Variants in SMARCAD1 observed in about 807,000 individuals in gnomAD.
SMARCAD1 encodes SNF2 related chromatin remodeling ATPase with DExD box 1, also known as SWI/SNF-related matrix-associated actin-dependent regulator of chromatin subfamily A containing DEAD/H box 1.
Under a neutral mutation model 127.1 loss-of-function variants are expected in SMARCAD1, and 25 were observed. That is an observed-to-expected ratio of 0.20 (90% CI 0.14 to 0.27). SMARCAD1 has a LOEUF of 0.27. Ranked by LOEUF, SMARCAD1 falls within the 10% of genes least tolerant of loss-of-function variation. SMARCAD1 has a pLI of 1.00. For synonymous variants in SMARCAD1, 400 were observed against 396.9 expected (o/e 1.01, Z -0.09); for missense variants, 807 against 1,206.0 (o/e 0.67, Z 4.90).
intron 6 of SMARCAD1, among the ~76,000 whole-genome samples, chr4:94,247,029 C>G (rs1243109242): frequency 1.3e-5 from 2 of 152,176 alleles, no homozygotes; most frequent in Non-Finnish European, 2.9e-5. Flanking sequence ...GACTCATCTA[C>G]TTTTTGTATA....
intron 14 of SMARCAD1, among the ~76,000 whole-genome samples, chr4:94,275,796 C>CTTTTATTTTATTTTTTTTTTT (rs1553920714): frequency 1.2e-5 from 1 of 85,412 alleles, no homozygotes; most frequent in Non-Finnish European, 2.6e-5. Context: ...TTAACATTTT[C>CTTTTATTTTATTTTTTTTTTT]TTTTTTTTTT....
chr4:94,262,045 A>C (rs936776022), intron 9 of SMARCAD1, among the ~76,000 whole-genome samples: 4 of 152,064 alleles, frequency 2.6e-5, no homozygotes, highest in Non-Finnish European at 5.9e-5. Flanking sequence ...GGTGTTCTTC[A>C]AGGTTTTGCT....
intron 9 of SMARCAD1, among the ~76,000 whole-genome samples, chr4:94,260,810 C>G (rs922275187): frequency 6.6e-6 from 1 of 152,164 alleles, no homozygotes; most frequent in Non-Finnish European, 1.5e-5. Context: ...CACCTTTTAA[C>G]CCTTTCTTGT....
At position 94,226,864 on chromosome 4, in the gene SMARCAD1, T is replaced by C. The variant is rs74980742; in HGVS notation, c.368+568T>C. 7.4e-4 allele frequency among the ~76,000 whole-genome samples: 104 copies of C among 141,194 alleles called. 2 individuals carry two copies. Among genetic ancestry groups the C allele is most frequent in the Admixed American group, 2.6e-3 (37 of 14,424 alleles). The allele number at this position is 141,194 out of a possible 152,430, so 92.6% of individuals were successfully genotyped here. ...GGAGTTAGGGTCAGGGAATCGTTTC[T>C]TTTTTTTTTTCTTGTTTTTTCTAGA... is the stretch of plus-strand genomic sequence containing the variant. On this transcript the variant is annotated intron_variant, in intron 3 of 23. Coordinates refer to ENST00000354268, the MANE Select transcript of SMARCAD1 (RefSeq NM_020159.5).
intron 21 of SMARCAD1, 121 bp downstream of exon 21, chr4:94,281,711 A>G: frequency 1.4e-6 from 1 of 717,822 alleles, no homozygotes; most frequent in Non-Finnish European, 2.4e-6. Flanking sequence ...ACTTCAAATC[A>G]TTACCTTAAA....
chr4:94,239,890 GGAA>G (rs780948257), intron 5 of SMARCAD1, among the ~76,000 whole-genome samples: 1 of 152,056 alleles, frequency 6.6e-6, no homozygotes, highest in Non-Finnish European at 1.5e-5. Context: ...GTTCTTTTTA[GGAA>G]AGAATTCAGC....
chr4:94,273,501 A>G (rs1214271872), intron 11 of SMARCAD1, 116 bp from the exon 12 acceptor site: 11 of 743,282 alleles, frequency 1.5e-5, no homozygotes, highest in Non-Finnish European at 2.5e-5. Flanking sequence ...TTAGAGTTGC[A>G]TTCTGGGAAA....
intron 14 of SMARCAD1, among the ~76,000 whole-genome samples, chr4:94,275,795 TC>T (rs373161528): frequency 7.9e-6 from 1 of 127,334 alleles, no homozygotes; most frequent in Non-Finnish European, 1.7e-5. Flanking sequence ...ATTAACATTT[TC>T]TTTTTTTTTT....
chr4:94,245,289 C>T (rs775878156), intron 6 of SMARCAD1, among the ~76,000 whole-genome samples: 1 of 152,086 alleles, frequency 6.6e-6, no homozygotes, highest in Non-Finnish European at 1.5e-5. Context: ...CAGAAGATGT[C>T]GATGACAGTG....
intron 6 of SMARCAD1, among the ~76,000 whole-genome samples, chr4:94,242,241 C>T (rs868362645): frequency 1.1e-4 from 17 of 151,702 alleles, no homozygotes; most frequent in Middle Eastern, 6.8e-3. Flanking sequence ...GATGGAGTTA[C>T]ACCATGTTGG....
chr4:94,273,752 T>A, intron 12 of SMARCAD1, 36 bp downstream of exon 12: 1 of 1,519,374 alleles, frequency 6.6e-7, no homozygotes, highest in Non-Finnish European at 9.1e-7. Flanking sequence ...TTTAACTTTA[T>A]CATGTTTTAT....
At position 94,252,829 on chromosome 4, in the gene SMARCAD1, G is replaced by T. The variant is rs767696967; in HGVS notation, c.1103G>T (p.Ser368Ile). The T allele has an allele frequency of 1.9e-6, 3 of 1,614,106 alleles. No individual in the cohort carries two copies. In the Admixed American group the frequency reaches 5.0e-5, roughly 27 times the overall value. ...TATGATTCAGGTTCTGATGTCGGTA[G>T]TTCACTAGATGAGGACTATAGTAGT... The part of the protein sequence containing the change: ...SEYDSGSDVG[S>I]SLDEDYSSGE... The change falls in exon 9 of 24, where the codon AGT becomes ATT. Residue 368 changes from serine to isoleucine, a missense_variant. This residue lies in a region of SMARCAD1 where 257 missense variants were observed against 303.4 expected (regional missense o/e 0.85). Coordinates refer to ENST00000354268, the MANE Select transcript of SMARCAD1 (RefSeq NM_020159.5).
At chr4:94,266,456 T>C (rs1037201366) in intron 10 of SMARCAD1, among the ~76,000 whole-genome samples, 1 of 152,134 alleles carries the variant, frequency 6.6e-6, no homozygotes, top group African/African-American at 2.4e-5. Context: ...TTTAAGTGCT[T>C]GTTGGATCTT....
chr4:94,236,570 GAC>G (rs1029069648), intron 4 of SMARCAD1, among the ~76,000 whole-genome samples: 2 of 151,866 alleles, frequency 1.3e-5, no homozygotes, highest in Non-Finnish European at 2.9e-5. Flanking sequence ...CTCTCCATCT[GAC>G]ACACACACAT....
In SMARCAD1 at chr4:94,291,247, A is replaced by G. The variant is rs759758613; in HGVS notation, c.*1713A>G. 1 of 453,704 alleles carries G rather than the reference A, an allele frequency of 2.2e-6. No individual in the cohort carries two copies. The highest frequency in any genetic ancestry group is 4.4e-6 in the Non-Finnish European group (1 of 226,682). The allele number at this position is 453,704 out of a possible 1,614,324, so 28.1% of individuals were successfully genotyped here. On this transcript the variant is annotated 3_prime_UTR_variant, in exon 24 of 24. Transcript: ENST00000354268. ...GAAATGTAGTTGGGTTCTTCCTGTA[A>G]TGCGCTATTATGTCTTGGGCTTAAT...
intron 10 of SMARCAD1, among the ~76,000 whole-genome samples, chr4:94,269,748 A>G (rs1416474186): frequency 6.6e-6 from 1 of 152,002 alleles, no homozygotes; most frequent in Non-Finnish European, 1.5e-5. Flanking sequence ...AGCTCACTAT[A>G]ACTTCTGCCT....
At chr4:94,253,994 A>T (rs1749680758) in intron 9 of SMARCAD1, among the ~76,000 whole-genome samples, 1 of 152,194 alleles carries the variant, frequency 6.6e-6, no homozygotes, top group South Asian at 2.1e-4. Context: ...TTAATTTTAT[A>T]CTTGAAACAA....
intron 9 of SMARCAD1, chr4:94,253,286 T>C (rs1749551348): frequency 2.8e-6 from 4 of 1,415,546 alleles, no homozygotes; most frequent in Non-Finnish European, 3.7e-6. Context: ...TTCATTTCAC[T>C]GCAGAAGAAG....
intron 9 of SMARCAD1, among the ~76,000 whole-genome samples, chr4:94,263,456 ATAGAG>A (rs1458384240): frequency 6.6e-6 from 1 of 152,060 alleles, no homozygotes; most frequent in African/African-American, 2.4e-5. Flanking sequence ...TGTGAAAAAT[ATAGAG>A]TAGTATGCAA....
Sources: gnomAD v4.1 joint callset for allele counts (sites outside exome capture counted in the v4.1 genomes callset) on GRCh38, gnomAD v4.1.1 for gene constraint, gnomAD v4.1.1 regional missense constraint, MANE v1.5 for transcripts, NCBI Gene and HGNC (gene_info 2026-07-23, HGNC 2026-07-21) for gene names.